The following DDAH1 variants were observed in gnomAD, a reference collection of about 807,000 sequenced individuals.
The protein encoded by DDAH1 is dimethylarginine dimethylaminohydrolase 1, also known as N(G),N(G)-dimethylarginine dimethylaminohydrolase 1.
A neutral mutation model predicts 28.8 loss-of-function variants in DDAH1; 19 were observed. The ratio of observed to expected loss-of-function variants is 0.66; its 90% CI spans 0.46 to 0.97. The LOEUF (loss-of-function observed/expected upper bound fraction) is 0.97. Ranked by LOEUF, DDAH1 falls within the 50% of genes least tolerant of loss-of-function variation. DDAH1 has a pLI of 0.00. For synonymous variants in DDAH1, 153 were observed against 154.4 expected (o/e 0.99, Z 0.07); for missense variants, 326 against 375.9 (o/e 0.87, Z 1.10).
Position 85,439,591 on chromosome 1 carries a change from T to C in DDAH1, c.303+25152A>G, listed in dbSNP as rs78093188. Among the ~76,000 whole-genome samples the C allele has an allele frequency of 5.8e-3, 890 of 152,362 alleles. 9 individuals carry two copies. The highest frequency in any genetic ancestry group is 0.02 in the African/African-American group (827 of 41,586). Reference sequence around the variant, plus strand: ...TTCTTATATCTGTTTTCTTAAACTATCTGCTCTTCAAGACAAATTTTAATC... The same window carrying C: ...TTCTTATATCTGTTTTCTTAAACTACCTGCTCTTCAAGACAAATTTTAATC... On this transcript the variant is annotated intron_variant, in intron 1 of 5. Transcript: ENST00000284031.
intron 1 of DDAH1, among the ~76,000 whole-genome samples, chr1:85,531,630 A>G (rs1392335325): frequency 6.8e-6 from 1 of 147,508 alleles, no homozygotes; most frequent in East Asian, 2.0e-4. Flanking sequence ...TTGTACAGAC[A>G]ATTATTAGTG....
At chr1:85,398,708 C>T (rs12034249) in intron 1 of DDAH1, 18,917 of 152,194 alleles carry the variant, frequency 0.12, 1,531 homozygotes, top group South Asian at 0.29. Context: ...GGCCATCAGA[C>T]GAAGACTTCT....
chr1:85,486,295 G>A (rs1656202416), intron 2 of DDAH1, among the ~76,000 whole-genome samples: 1 of 152,160 alleles, frequency 6.6e-6, no homozygotes, highest in Admixed American at 6.5e-5. Context: ...TCTTCAAAGA[G>A]CTACCTTAGT....
intron 1 of DDAH1, among the ~76,000 whole-genome samples, chr1:85,396,830 T>C (rs1356616487): frequency 1.3e-5 from 2 of 151,612 alleles, no homozygotes; most frequent in Non-Finnish European, 2.9e-5. Flanking sequence ...AGTCCGGGAG[T>C]TCAAGACCAC....
At chr1:85,532,446 T>C (rs1391814377) in intron 1 of DDAH1, among the ~76,000 whole-genome samples, 7 of 152,314 alleles carry the variant, frequency 4.6e-5, no homozygotes, top group African/African-American at 9.6e-5. Flanking sequence ...TCTAAAAGAA[T>C]TGAGTTCAAC....
chr1:85,441,935 A>C (rs1325188866), intron 1 of DDAH1, among the ~76,000 whole-genome samples: 1 of 152,044 alleles, frequency 6.6e-6, no homozygotes, highest in African/African-American at 2.4e-5. Context: ...ATATTTTTTC[A>C]TTTCATCGCC....
chr1:85,354,373 T>C (rs1474867823), intron 2 of DDAH1, among the ~76,000 whole-genome samples: 1 of 152,180 alleles, frequency 6.6e-6, no homozygotes, highest in East Asian at 1.9e-4. Context: ...CTACTGTGTG[T>C]TCAAGTGGCA....
chr1:85,464,691 CG>C lies in DDAH1; in HGVS notation c.303+51del. The C allele has an allele frequency of 1.4e-6, 2 of 1,426,492 alleles. No homozygotes were observed. The highest frequency in any genetic ancestry group is 1.8e-6 in the Non-Finnish European group (2 of 1,096,680). The allele number at this position is 1,426,492 out of a possible 1,614,324, so 88.4% of individuals were successfully genotyped here. A position where few individuals can be genotyped will look rare whatever the true frequency, so the allele number is the denominator to read the frequency against. ...CCCCAGGCAACACGGCGGCCGGCGG[CG>C]GGGGAGGGCCTGGCGCGCGCCCCGG... is the stretch of plus-strand genomic sequence containing the variant. On this transcript the variant is annotated intron_variant, in intron 1 of 5. Coordinates refer to ENST00000284031, the MANE Select transcript of DDAH1 (RefSeq NM_012137.4). The surrounding 1 kb of genome is among the most constrained non-coding windows in gnomAD (Gnocchi z 4.4).
intron 1 of DDAH1, among the ~76,000 whole-genome samples, chr1:85,561,524 A>G (rs771838972): frequency 1.3e-5 from 2 of 152,054 alleles, no homozygotes; most frequent in African/African-American, 2.4e-5. Flanking sequence ...TCTGGGCCTC[A>G]TTTACTCATG....
intron 1 of DDAH1, among the ~76,000 whole-genome samples, chr1:85,550,759 A>G (rs1284375430): frequency 1.3e-5 from 2 of 152,122 alleles, no homozygotes; most frequent in Admixed American, 1.3e-4. Flanking sequence ...ACACACACAC[A>G]CACACACACC....
At chr1:85,396,216 C>T (rs931039076) in intron 1 of DDAH1, among the ~76,000 whole-genome samples, 3 of 152,000 alleles carry the variant, frequency 2.0e-5, no homozygotes, top group Non-Finnish European at 2.9e-5. Flanking sequence ...TGTCTTAGTC[C>T]CTTTAGAGCT....
chr1:85,466,410 G>A (rs754704841), upstream of DDAH1, among the ~76,000 whole-genome samples: 8 of 151,994 alleles, frequency 5.3e-5, no homozygotes, highest in Non-Finnish European at 8.8e-5. Flanking sequence ...GCCACCACTC[G>A]CGGCTAATTT....
In DDAH1 at chr1:85,341,488, C is replaced by T. The variant is rs576641487; in HGVS notation, c.597+8927G>A. 1.1e-3 allele frequency among the ~76,000 whole-genome samples: 168 copies of T among 152,310 alleles called. 1 individual carries two copies. The highest frequency in any genetic ancestry group is 3.9e-3 in the African/African-American group (164 of 41,572). ...GAATCTTTCTGTGGTTTTCCTCAAA[C>T]AGGCATAAAAACATTGCTAAGCACA... On this transcript the variant is annotated intron_variant, in intron 4 of 5. Transcript: ENST00000284031.
At chr1:85,485,700 C>G (rs916336851) in intron 2 of DDAH1, among the ~76,000 whole-genome samples, 1 of 152,142 alleles carries the variant, frequency 6.6e-6, no homozygotes, top group African/African-American at 2.4e-5. Flanking sequence ...AAAATGAGCA[C>G]TAACACATTA....
At chr1:85,329,175 A>G (rs889299070) in intron 4 of DDAH1, among the ~76,000 whole-genome samples, 12 of 152,240 alleles carry the variant, frequency 7.9e-5, no homozygotes, top group Non-Finnish European at 1.5e-5. Context: ...AAGTGTTCTC[A>G]GGGATTGTTA....
chr1:85,477,625 T>C (rs1204664953), intron 2 of DDAH1, among the ~76,000 whole-genome samples: 6 of 152,162 alleles, frequency 3.9e-5, no homozygotes, highest in South Asian at 4.1e-4. Context: ...TGCTATACTA[T>C]ATATAGCAGA....
chr1:85,358,645 TCAAAAA>T (rs1649617859), intron 2 of DDAH1, 97 bp downstream of exon 2: 3 of 925,692 alleles, frequency 3.2e-6, no homozygotes, highest in African/African-American at 1.7e-5. Context: ...AGACTCTGTC[TCAAAAA>T]CAAAAACAAA....
At chr1:85,574,221 T>A (rs75676916) in intron 1 of DDAH1, among the ~76,000 whole-genome samples, 36 of 152,342 alleles carry the variant, frequency 2.4e-4, no homozygotes, top group Non-Finnish European at 3.5e-4. Flanking sequence ...CCAGCACTAA[T>A]CCTGAGTCAT....
chr1:85,339,062 AATAT>A (rs1553123153), intron 4 of DDAH1, among the ~76,000 whole-genome samples: 5 of 133,708 alleles, frequency 3.7e-5, no homozygotes, highest in South Asian at 2.4e-4. Context: ...AAAAAAAAAA[AATAT>A]ATATATATAT....
Sources: allele counts gnomAD v4.1 joint callset (sites outside exome capture counted in the v4.1 genomes callset), GRCh38; gene constraint gnomAD v4.1.1; non-coding constraint Gnocchi (gnomAD v3.1); transcripts MANE v1.5; gene names NCBI Gene and HGNC (gene_info 2026-07-23, HGNC 2026-07-21).